The following NSD1 variants were observed in gnomAD, a reference collection of about 807,000 sequenced individuals.
NSD1 encodes nuclear receptor binding SET domain protein 1.
A neutral mutation model predicts 242.7 loss-of-function variants in NSD1; 26 were observed. That is an observed-to-expected ratio of 0.11 (90% confidence interval 0.08 to 0.15). The LOEUF (loss-of-function observed/expected upper bound fraction) is 0.15. Ranked by LOEUF, NSD1 falls within the 10% of genes least tolerant of loss-of-function variation. The pLI is 1.00. For synonymous variants in NSD1, 1,106 were observed against 1,178.1 expected (o/e 0.94, Z 1.25); for missense variants, 2,495 against 3,272.8 (o/e 0.76, Z 5.80).
At chr5:177,150,104 T>C (rs967253376) in intron 2 of NSD1, among the ~76,000 whole-genome samples, 1 of 151,884 alleles carries the variant, frequency 6.6e-6, no homozygotes, top group Admixed American at 6.6e-5. Context: ...GCCTGGCTAA[T>C]TTTTTATATT....
At chr5:177,259,044 A>G (rs1161268052) in intron 13 of NSD1, among the ~76,000 whole-genome samples, 1 of 152,076 alleles carries the variant, frequency 6.6e-6, no homozygotes, top group Non-Finnish European at 1.5e-5. Context: ...CATGTTGGCC[A>G]GACTGTTCTG....
At chr5:177,136,320 A>G (rs929469768) in intron 2 of NSD1, 10 of 274,088 alleles carry the variant, frequency 3.6e-5, no homozygotes, top group East Asian at 2.0e-4. Flanking sequence ...GGAGGTATAC[A>G]TATATGATTA....
intron 2 of NSD1, among the ~76,000 whole-genome samples, chr5:177,150,516 T>A (rs1757615594): frequency 6.8e-6 from 1 of 146,934 alleles, no homozygotes; most frequent in Non-Finnish European, 1.6e-5. Flanking sequence ...GATTTTCCCT[T>A]AGTAAAACAC....
At position 177,209,587 on chromosome 5, in the gene NSD1, C is replaced by T. The variant is rs763739860; in HGVS notation, c.1237-49C>T. On this transcript the variant is annotated intron_variant, in intron 4 of 22. Coordinates refer to ENST00000439151, the MANE Select transcript of NSD1 (RefSeq NM_022455.5). The stretch of plus-strand genomic sequence containing the variant: ...TTCTGATTTCATCTCCCTTTTCCCC[C>T]ACCCATTTCTTTGATAAGTGATAAT... 7.9e-6 allele frequency: 11 copies of T among 1,387,688 alleles called. No homozygotes were observed. The East Asian group carries it at 2.1e-4, about 26-fold the overall frequency. The allele number at this position is 1,387,688 out of a possible 1,614,324, so 86.0% of individuals were successfully genotyped here.
At chr5:177,258,952 A>G (rs1360389742) in intron 13 of NSD1, among the ~76,000 whole-genome samples, 2 of 152,180 alleles carry the variant, frequency 1.3e-5, no homozygotes, top group Non-Finnish European at 2.9e-5. Flanking sequence ...CTCTTGCCTC[A>G]GCCCCTGGAG....
At chr5:177,231,348 G>A (rs1765040562) in intron 5 of NSD1, among the ~76,000 whole-genome samples, 1 of 152,180 alleles carries the variant, frequency 6.6e-6, no homozygotes, top group Non-Finnish European at 1.5e-5. Context: ...GCCTCCAAAA[G>A]TACTTGGATT....
chr5:177,265,482 A>G (rs1757346523), intron 14 of NSD1: 2 of 629,226 alleles, frequency 3.2e-6, no homozygotes, highest in South Asian at 3.8e-5. Flanking sequence ...CCTCTGGGGG[A>G]GGGAGGGAGA....
chr5:177,296,053 A>C lies in NSD1; in HGVS notation c.*594A>C. 1 of 256,810 alleles carries C rather than the reference A, an allele frequency of 3.9e-6. No individual in the cohort carries two copies. Among genetic ancestry groups the C allele is most frequent in the Non-Finnish European group, 7.6e-6 (1 of 130,840 alleles). The allele number at this position is 256,810 out of a possible 1,614,324, so 15.9% of individuals were successfully genotyped here. A position where few individuals can be genotyped will look rare whatever the true frequency, so the allele number is the denominator to read the frequency against. On this transcript the variant is annotated 3_prime_UTR_variant, in exon 23 of 23. Transcript: ENST00000439151. ...GCCCTGGGGCTTTAGACTCATTTTG[A>C]AATGTCCTTTGTGGCACCAGAAGTG...
Position 177,295,554 on chromosome 5 carries a change from A to C in NSD1, c.*95A>C. The C allele has an allele frequency of 2.4e-6, 3 of 1,240,552 alleles. No homozygotes were observed. Among genetic ancestry groups the C allele is most frequent in the East Asian group, 2.5e-5 (1 of 39,658 alleles). The allele number at this position is 1,240,552 out of a possible 1,614,324, so 76.8% of individuals were successfully genotyped here. A position where few individuals can be genotyped will look rare whatever the true frequency, so the allele number is the denominator to read the frequency against. On this transcript the variant is annotated 3_prime_UTR_variant, in exon 23 of 23. Coordinates refer to ENST00000439151, the MANE Select transcript of NSD1 (RefSeq NM_022455.5). The surrounding 1 kb of genome is among the most constrained non-coding windows in gnomAD (Gnocchi z 4.3). ...TTCTTTCCCCCTTAAAAAAAAACAC[A>C]TCTGCCCCGAACACTTTCCCACTGT...
At chr5:177,204,945 A>G (rs934542362) in intron 4 of NSD1, among the ~76,000 whole-genome samples, 2 of 152,180 alleles carry the variant, frequency 1.3e-5, no homozygotes, top group South Asian at 4.1e-4. Flanking sequence ...TCTTTTATGC[A>G]TGATGAAAGT....
chr5:177,247,400 C>G (rs1269896478), intron 10 of NSD1, among the ~76,000 whole-genome samples: 1 of 152,080 alleles, frequency 6.6e-6, no homozygotes, highest in Non-Finnish European at 1.5e-5. Context: ...GCCCTCCAGC[C>G]TGGGTGACAG....
intron 2 of NSD1, among the ~76,000 whole-genome samples, chr5:177,146,253 T>TAG (rs1410808003): frequency 7.0e-6 from 1 of 142,728 alleles, no homozygotes; most frequent in Non-Finnish European, 1.5e-5. Context: ...ATGCCCAGGC[T>TAG]AGAGTGCAGT....
rs368839996 is a variant in NSD1 at position 177,210,775 on chromosome 5, C to G, written c.2376C>G (p.Cys792Trp). ...AGCCCAAGTTCCGAAGTATAAAGTG[C>G]AAACACAAAGAAAATCCAGTTATGG... Reference protein sequence around the residue: ...SKQPKFRSIKCKHKENPVMAE... With the variant: ...SKQPKFRSIKWKHKENPVMAE... Residue 792 changes from cysteine to tryptophan, a missense_variant, in exon 5 of 23, where the codon TGC (cysteine) becomes TGG (tryptophan). Cys to Trp is a radical substitution (Grantham distance 215, BLOSUM62 -2). Transcript: ENST00000439151. The G allele has an allele frequency of 1.9e-6, 3 of 1,614,018 alleles. No individual in the cohort carries two copies. The African/African-American group carries it at 4.0e-5, about 22-fold the overall frequency.
chr5:177,137,160 G>A, intron 2 of NSD1: 2 of 373,738 alleles, frequency 5.4e-6, no homozygotes, highest in Non-Finnish European at 9.5e-6. Context: ...ACTTCTCTTA[G>A]CCTCAATTTT....
intron 2 of NSD1, among the ~76,000 whole-genome samples, chr5:177,142,012 T>C (rs779837068): frequency 1.4e-4 from 21 of 152,104 alleles, no homozygotes; most frequent in Non-Finnish European, 1.9e-4. Context: ...TTTTGTATTT[T>C]TAGTAGAGAC....
chr5:177,169,216 A>T (rs553963186), intron 2 of NSD1, among the ~76,000 whole-genome samples: 2 of 152,088 alleles, frequency 1.3e-5, no homozygotes, highest in Non-Finnish European at 2.9e-5. Context: ...GCTTAAGTCT[A>T]TCCACTGAGC....
In NSD1 at chr5:177,294,034, G is replaced by A. The variant is rs2127279691; in HGVS notation, c.6666G>A (p.Val2222=). The A allele has an allele frequency of 1.9e-6, 3 of 1,614,060 alleles. No individual in the cohort carries two copies. Among genetic ancestry groups the A allele is most frequent in the Middle Eastern group, 1.6e-4 (1 of 6,062 alleles). ...AACCTGGGGAGATCCGTGAGTATGT[G>A]CCTCCCCCAGTACCGCTGCCTCCAG... ...PLEPGEIREY[V]PPPVPLPPGP... is the part of the protein sequence containing the mutation. Residue 2222 remains valine (V), a synonymous_variant, in exon 23 of 23, where the codon GTG becomes GTA. Coordinates refer to ENST00000439151, the MANE Select transcript of NSD1 (RefSeq NM_022455.5).
intron 2 of NSD1, among the ~76,000 whole-genome samples, chr5:177,156,671 A>G (rs754441825): frequency 1.2e-4 from 18 of 152,162 alleles, no homozygotes; most frequent in Non-Finnish European, 2.4e-4. Context: ...AATCAAGCTA[A>G]TACTTGATAC....
At chr5:177,251,896 A>AT in intron 12 of NSD1, 43 bp downstream of exon 12, 1 of 1,613,354 alleles carries the variant, frequency 6.2e-7, no homozygotes, top group Non-Finnish European at 8.5e-7. Context: ...GAAAGTTTGA[A>AT]TTTTAAGTTT....
Sources: gnomAD v4.1 joint callset for allele counts (sites outside exome capture counted in the v4.1 genomes callset) on GRCh38, gnomAD v4.1.1 for gene constraint, Gnocchi (gnomAD v3.1) non-coding constraint, MANE v1.5 for transcripts, NCBI Gene and HGNC (gene_info 2026-07-23, HGNC 2026-07-21) for gene names.